BOP1: variants seen among roughly 807,000 people sequenced by gnomAD.
BOP1 encodes the protein ribosome biogenesis protein BOP1.
BOP1 carries 54 observed loss-of-function variants against 82.9 expected under a neutral mutation model. The ratio of observed to expected loss-of-function variants is 0.65; its 90% CI spans 0.52 to 0.82. The LOEUF is 0.82. BOP1 is among the 40% of genes least tolerant of loss of function. The probability of loss-of-function intolerance (pLI) is 0.00; values close to 1 mark genes in which losing one functional copy is unlikely to be tolerated. For missense variants in BOP1, 1,170 were observed against 1,072.0 expected (o/e 1.09, Z -1.28); for synonymous variants, 566 against 451.1 (o/e 1.25, Z -3.23).
At chr8:144,278,026 A>G (rs1410895798) in intron 2 of BOP1, among the ~76,000 whole-genome samples, 1 of 152,208 alleles carries the variant, frequency 6.6e-6, no homozygotes, top group African/African-American at 2.4e-5. Flanking sequence ...CGCCACGCCC[A>G]TGCCTGGAGT....
rs1845201484 is a variant in BOP1, at chr8:144,262,180, A to G, written c.2225T>C (p.Val742Ala). The G allele has an allele frequency of 6.2e-7, 1 of 1,612,406 alleles. No individual in the cohort carries two copies. The highest frequency in any genetic ancestry group is 8.5e-7 in the Non-Finnish European group (1 of 1,179,832). Residue 742 changes from valine (V) to alanine (A), a missense_variant, in exon 16 of 16, where the codon GTC (valine) becomes GCC (alanine). Transcript: ENST00000569669. ...GCAGAACAGCTAGGTGAAGAGGCGGACAGTCCCGTCTGCCCCCGAGGAGAA... is the reference window on the plus strand; with the variant it reads ...GCAGAACAGCTAGGTGAAGAGGCGGGCAGTCCCGTCTGCCCCCGAGGAGAA... ...WVFSSGADGT[V>A]RLFT is the part of the protein sequence containing the mutation.
chr8:144,275,610 G>A (rs56219574), intron 3 of BOP1, among the ~76,000 whole-genome samples: 85,232 of 151,954 alleles, frequency 0.56, 24,360 homozygotes, highest in South Asian at 0.62. Flanking sequence ...CCGACCTCCT[G>A]CCCCTCCTGA....
At position 144,262,949 on chromosome 8, in the gene BOP1, G is replaced by A. The variant is rs915274422; in HGVS notation, c.1798C>T (p.Arg600Cys). ...ARPFLLVASQRSVRLYHLLRQ... is the reference protein window; with the variant it reads ...ARPFLLVASQCSVRLYHLLRQ... Reference sequence around the variant, plus strand: ...AGCAGGTGGTAGAGGCGGACGCTGCGCTGGGACGCCACCAACAGGAAGGGC... The same window carrying A: ...AGCAGGTGGTAGAGGCGGACGCTGCACTGGGACGCCACCAACAGGAAGGGC... Residue 600 changes from arginine (R) to cysteine (C), a missense_variant, in exon 13 of 16, where the codon CGC becomes TGC. Arg to Cys is a radical substitution (Grantham distance 180). Transcript: ENST00000569669. The A allele has an allele frequency of 4.3e-5, 67 of 1,546,988 alleles. No individual in the cohort carries two copies. Among genetic ancestry groups the A allele is most frequent in the Middle Eastern group, 2.2e-4 (1 of 4,540 alleles).
At chr8:144,266,452 C>T (rs1389385281) in intron 3 of BOP1, 13 of 962,712 alleles carry the variant, frequency 1.4e-5, no homozygotes, top group East Asian at 2.3e-4. Context: ...GGCCCCGCTC[C>T]GGCCCGGGAC....
At chr8:144,280,859 A>C (rs1845657210) in intron 2 of BOP1, among the ~76,000 whole-genome samples, 2 of 152,222 alleles carry the variant, frequency 1.3e-5, no homozygotes, top group African/African-American at 4.8e-5. Context: ...TCAGAAAAAA[A>C]AAAAAATCTG....
At position 144,263,026 on chromosome 8, in the gene BOP1, G is replaced by A. The variant is rs1223205448; in HGVS notation, c.1721C>T (p.Pro574Leu). 3.6e-5 allele frequency: 56 copies of A among 1,566,208 alleles called. No individual in the cohort carries two copies. The highest frequency in any genetic ancestry group is 7.2e-5 in the Admixed American group (4 of 55,188). Residue 574 changes from proline to leucine, a missense_variant, in exon 13 of 16, where the codon CCG (proline) becomes CTG (leucine). Coordinates refer to ENST00000569669, the MANE Select transcript of BOP1 (RefSeq NM_015201.5). ...CACCTGTCCGTGGCTGCGGCGGAAC[G>A]GACTCTGGCTGCGGCGACGGCTCAG... The part of the protein sequence containing the change: ...HQLSRRRSQS[P>L]FRRSHGQVQR...
Position 144,266,808 on chromosome 8 carries a change from G to T in BOP1, c.391-1737C>A, listed in dbSNP as rs1468531688. On this transcript the variant is annotated intron_variant, in intron 3 of 15. Transcript: ENST00000569669. ...GGGGCCGGCGGGCCGGGGGCGGGGG[G>T]CCAGGGGGCCGGCCAGGCCGTGAGC... The T allele has an allele frequency of 8.7e-6, 10 of 1,154,440 alleles. No homozygotes were observed. The African/African-American group carries it at 9.8e-5, about 11-fold the overall frequency. 71.5% of individuals were successfully genotyped at this position (1,154,440 alleles called of 1,614,324 possible).
intron 1 of BOP1, among the ~76,000 whole-genome samples, chr8:144,290,483 C>T (rs1009764704): frequency 6.6e-6 from 1 of 152,152 alleles, no homozygotes; most frequent in Non-Finnish European, 1.5e-5. Flanking sequence ...TATTGCATAC[C>T]GAGTGTTCAC....
At position 144,264,268 on chromosome 8, in the gene BOP1, T is replaced by G; in HGVS notation, c.935A>C (p.Glu312Ala). ...GTATTCAGGGGGTGGGTTGTACGAC[T>G]CGGCGTGGCCTGGCAGGGCCAGCTT... Reference protein sequence around the residue: ...APKLALPGHAESYNPPPEYLL... With the variant: ...APKLALPGHAASYNPPPEYLL... The change falls in exon 7 of 16, where the codon GAG becomes GCG. Residue 312 changes from glutamate (E) to alanine (A), a missense_variant. Transcript: ENST00000569669. 1 of 1,611,114 alleles carries G rather than the reference T, an allele frequency of 6.2e-7. No individual in the cohort carries two copies. The highest frequency in any genetic ancestry group is 8.5e-7 in the Non-Finnish European group (1 of 1,179,522).
intron 3 of BOP1, chr8:144,268,537 T>C (rs1271573648): frequency 1.8e-5 from 5 of 281,608 alleles, no homozygotes; most frequent in Non-Finnish European, 2.7e-5. Flanking sequence ...GCCCCCAGCC[T>C]GAGCCTCCAT....
At chr8:144,279,206 C>A (rs1227959657) in intron 2 of BOP1, among the ~76,000 whole-genome samples, 1 of 151,932 alleles carries the variant, frequency 6.6e-6, no homozygotes, top group Non-Finnish European at 1.5e-5. Context: ...CAAGGACAGG[C>A]CCCAAGACCA....
intron 3 of BOP1, among the ~76,000 whole-genome samples, chr8:144,274,631 C>A (rs1308074828): frequency 6.6e-6 from 1 of 152,348 alleles, no homozygotes; most frequent in African/African-American, 2.4e-5. Context: ...GGCTCCCTCG[C>A]TGTCACTCAG....
At position 144,264,966 on chromosome 8, in the gene BOP1, G is replaced by C. The variant is rs917803803; in HGVS notation, c.496C>G (p.Arg166Gly). The C allele has an allele frequency of 1.2e-5, 20 of 1,609,166 alleles. No homozygotes were observed. The Middle Eastern group carries it at 1.3e-3, about 108-fold the overall frequency. The change falls in exon 4 of 16, where the codon CGG (arginine) becomes GGG (glycine). Residue 166 changes from arginine to glycine, a missense_variant. Physicochemically the swap from Arg to Gly is moderately radical, Grantham distance 125. Transcript: ENST00000569669. ...GRRIYKPLRT[R>G]DELDQFLDKM... ...TCCAGGAACTGGTCCAGCTCATCCCGGGTCCGCAGGGGCTTGTAGATGCGC... is the reference window on the plus strand; with the variant it reads ...TCCAGGAACTGGTCCAGCTCATCCCCGGTCCGCAGGGGCTTGTAGATGCGC...
At chr8:144,275,804 GCCCAC>G (rs1271192404) in intron 3 of BOP1, among the ~76,000 whole-genome samples, 12 of 152,078 alleles carry the variant, frequency 7.9e-5, no homozygotes, top group African/African-American at 2.9e-4. Flanking sequence ...CCAACCTGTG[GCCCAC>G]CCCACAGCAC....
intron 3 of BOP1, among the ~76,000 whole-genome samples, chr8:144,269,329 ATGG>A (rs1414983893): frequency 6.6e-6 from 1 of 152,198 alleles, no homozygotes; most frequent in African/African-American, 2.4e-5. Flanking sequence ...ACAATGGCTG[ATGG>A]TGCCAGGTGC....
chr8:144,285,440 A>G (rs1009798784), intron 2 of BOP1, among the ~76,000 whole-genome samples: 1 of 152,214 alleles, frequency 6.6e-6, no homozygotes, highest in African/African-American at 2.4e-5. Flanking sequence ...GTGGGGGGAC[A>G]GGCAGAAGCA....
intron 2 of BOP1, among the ~76,000 whole-genome samples, chr8:144,279,258 CCCCACGATCACCACAGGCCA>C: frequency 6.6e-6 from 1 of 151,888 alleles, no homozygotes; most frequent in South Asian, 2.1e-4. Flanking sequence ...CCACCATGGG[CCCCACGATCACCACAGGCCA>C]CAACTGCCAC....
At chr8:144,267,193 C>G in intron 3 of BOP1, 1 of 1,506,272 alleles carries the variant, frequency 6.6e-7, no homozygotes, top group Non-Finnish European at 8.8e-7. Context: ...GAGCACGGGC[C>G]GTGGGGCGCC....
chr8:144,280,605 C>T (rs1845653421), intron 2 of BOP1, among the ~76,000 whole-genome samples: 1 of 152,250 alleles, frequency 6.6e-6, no homozygotes, highest in Admixed American at 6.5e-5. Flanking sequence ...GTCATCCCAG[C>T]ACTTTGGGAG....
Sources: allele counts gnomAD v4.1 joint callset (sites outside exome capture counted in the v4.1 genomes callset), GRCh38; gene constraint gnomAD v4.1.1; transcripts MANE v1.5; gene names NCBI Gene and HGNC (gene_info 2026-07-23, HGNC 2026-07-21).